The following AJAP1 variants were observed in gnomAD, a reference collection of about 807,000 sequenced individuals.
AJAP1 encodes adherens junctions associated protein 1.
In AJAP1, 5 loss-of-function variants were observed where a neutral mutation model predicts 35.0. The ratio of observed to expected loss-of-function variants is 0.14; its 90% CI spans 0.07 to 0.30. The LOEUF is 0.30. AJAP1 is among the 10% of genes least tolerant of loss of function. The pLI is 1.00. For missense variants in AJAP1, 586 were observed against 571.0 expected (o/e 1.03, Z -0.27); for synonymous variants, 284 against 249.3 (o/e 1.14, Z -1.31).
chr1:4,687,805 A>G (rs551527178), intron 1 of AJAP1, among the ~76,000 whole-genome samples: 70 of 152,314 alleles, frequency 4.6e-4, no homozygotes, highest in Non-Finnish European at 9.0e-4. Flanking sequence ...CCATTCATCC[A>G]TCCATCCATT....
chr1:4,778,134 A>C (rs1211931904), intron 5 of AJAP1, among the ~76,000 whole-genome samples: 1 of 152,230 alleles, frequency 6.6e-6, no homozygotes, highest in African/African-American at 2.4e-5. Flanking sequence ...CAGTGGGGCC[A>C]GGCCAGCCGA....
intron 1 of AJAP1, among the ~76,000 whole-genome samples, chr1:4,664,226 G>C (rs1392893852): frequency 1.3e-5 from 2 of 152,158 alleles, no homozygotes; most frequent in African/African-American, 4.8e-5. Flanking sequence ...GTTACATCCT[G>C]TTCTTCCTAG....
chr1:4,716,968 G>T (rs894681594), intron 2 of AJAP1, among the ~76,000 whole-genome samples: 1 of 152,202 alleles, frequency 6.6e-6, no homozygotes, highest in African/African-American at 2.4e-5. Flanking sequence ...GGTTCACAGA[G>T]GCATTGAGCT....
At chr1:4,698,693 G>C (rs1252049980) in intron 1 of AJAP1, among the ~76,000 whole-genome samples, 2 of 152,296 alleles carry the variant, frequency 1.3e-5, no homozygotes, top group East Asian at 1.9e-4. Flanking sequence ...AGGAAACTCT[G>C]AGCTGCTCTA....
rs1642256658 is a variant in AJAP1, at chr1:4,792,106, T to C, written c.*9621T>C. On this transcript the variant is annotated 3_prime_UTR_variant, in exon 6 of 6. Coordinates refer to ENST00000378191, the MANE Select transcript of AJAP1 (RefSeq NM_018836.4). ...TTTTCTGATACAATAAACTGTTAAC[T>C]GTTTATTTATACTTTTACAAGGAGC... is the stretch of plus-strand genomic sequence containing the variant. 1 of 152,204 alleles carries C rather than the reference T, an allele frequency of 6.6e-6. No homozygotes were observed. Among genetic ancestry groups the C allele is most frequent in the African/African-American group, 2.4e-5 (1 of 41,454 alleles). The allele number at this position is 152,204 out of a possible 1,614,324, so 9.4% of individuals were successfully genotyped here. A position where few individuals can be genotyped will look rare whatever the true frequency, so the allele number is the denominator to read the frequency against.
At position 4,697,343 on chromosome 1, in the gene AJAP1, G is replaced by T. The variant is rs147685380; in HGVS notation, c.30-14557G>T. 5.1e-3 allele frequency among the ~76,000 whole-genome samples: 774 copies of T among 152,370 alleles called. 2 individuals are homozygous for T. Among genetic ancestry groups the T allele is most frequent in the Non-Finnish European group, 8.6e-3 (587 of 68,038 alleles). On this transcript the variant is annotated intron_variant, in intron 1 of 5. Coordinates refer to ENST00000378191, the MANE Select transcript of AJAP1 (RefSeq NM_018836.4). ...CAATGGGAGTGGAGGAGAAATCAAA[G>T]GAAGCCATTTGTGGCTTCGCACAAG...
At chr1:4,671,242 G>A (rs913175905) in intron 1 of AJAP1, among the ~76,000 whole-genome samples, 5 of 152,070 alleles carry the variant, frequency 3.3e-5, no homozygotes, top group African/African-American at 7.2e-5. Context: ...GGTGGCAGGC[G>A]CCTGCAATCC....
At position 4,734,414 on chromosome 1, in the gene AJAP1, C is replaced by G. The variant is rs917538028; in HGVS notation, c.829+21715C>G. On this transcript the variant is annotated intron_variant, in intron 2 of 5. Coordinates refer to ENST00000378191, the MANE Select transcript of AJAP1 (RefSeq NM_018836.4). This position sits in a 1 kb window ranked among gnomAD's most constrained non-coding sequence, Gnocchi z 4.3. ...CTTAAATCAGCAGAGGCAGAGGCCC[C>G]GAGAGGTTAAGTGACTTGCCTGAGG... Among the ~76,000 whole-genome samples, 1 of 152,156 alleles carries G rather than the reference C, an allele frequency of 6.6e-6. No individual in the cohort carries two copies. The highest frequency in any genetic ancestry group is 2.4e-5 in the African/African-American group (1 of 41,436).
intron 5 of AJAP1, among the ~76,000 whole-genome samples, chr1:4,780,830 G>A (rs1335987416): frequency 6.6e-6 from 1 of 152,040 alleles, no homozygotes; most frequent in Non-Finnish European, 1.5e-5. Context: ...GTTTCACCAT[G>A]TTGGCCAGGA....
intron 5 of AJAP1, among the ~76,000 whole-genome samples, chr1:4,781,936 G>A (rs534877366): frequency 1.3e-5 from 2 of 152,206 alleles, no homozygotes; most frequent in Non-Finnish European, 2.9e-5. Flanking sequence ...CACCTGACCT[G>A]TGCCCAGGTG....
chr1:4,743,069 G>A (rs1163524243), intron 2 of AJAP1, among the ~76,000 whole-genome samples: 3 of 152,198 alleles, frequency 2.0e-5, no homozygotes, highest in Non-Finnish European at 4.4e-5. Flanking sequence ...CCTGGGGAAT[G>A]ACTTGGGGAT....
intron 1 of AJAP1, among the ~76,000 whole-genome samples, chr1:4,661,601 TACTC>T (rs1639000611): frequency 1.3e-5 from 2 of 152,230 alleles, no homozygotes; most frequent in African/African-American, 2.4e-5. Context: ...ATCTACTTCT[TACTC>T]ACTTTATTAA....
At chr1:4,770,719 C>T (rs1564664) in intron 3 of AJAP1, among the ~76,000 whole-genome samples, 77,507 of 151,978 alleles carry the variant, frequency 0.51, 20,006 homozygotes, top group Admixed American at 0.55. Flanking sequence ...TGGTGGAAAC[C>T]GCATCAGAGC....
rs1316316134 is a variant in AJAP1 at position 4,692,980 on chromosome 1, A to C, written c.30-18920A>C. On this transcript the variant is annotated intron_variant, in intron 1 of 5. Transcript: ENST00000378191. The surrounding 1 kb of genome is among the most constrained non-coding windows in gnomAD (Gnocchi z 4.4). ...TAGGTGGCTATCAAATAATTGTATAAAAATAAGCAGTTAATATTTCTATTA... is the reference window on the plus strand; with the variant it reads ...TAGGTGGCTATCAAATAATTGTATACAAATAAGCAGTTAATATTTCTATTA... Among the ~76,000 whole-genome samples, 1 of 152,204 alleles carries C rather than the reference A, an allele frequency of 6.6e-6. No individual in the cohort carries two copies. Among genetic ancestry groups the C allele is most frequent in the Non-Finnish European group, 1.5e-5 (1 of 68,034 alleles).
chr1:4,737,506 C>G (rs36028110), intron 2 of AJAP1, among the ~76,000 whole-genome samples: 1 of 151,948 alleles, frequency 6.6e-6, no homozygotes, highest in African/African-American at 2.4e-5. Flanking sequence ...GGAAGCCCCC[C>G]GAGATCTGCG....
chr1:4,736,833 T>C (rs912611002), intron 2 of AJAP1, among the ~76,000 whole-genome samples: 1 of 152,158 alleles, frequency 6.6e-6, no homozygotes, highest in African/African-American at 2.4e-5. Flanking sequence ...AGTGCACAGC[T>C]TGGGTGGGCT....
At chr1:4,768,891 CCAGAGG>C in intron 2 of AJAP1, among the ~76,000 whole-genome samples, 1 of 152,288 alleles carries the variant, frequency 6.6e-6, no homozygotes, top group East Asian at 1.9e-4. Flanking sequence ...GTGGTAGGGA[CCAGAGG>C]CAGGAGCTGT....
In AJAP1 at chr1:4,686,328, G is replaced by A. The variant is rs374070121; in HGVS notation, c.30-25572G>A. ...GTCCAAAATCAAGGTGGGATGAGCT[G>A]GGTTCAAGGTTCAAGTTCCTACCCT... On this transcript the variant is annotated intron_variant, in intron 1 of 5. Coordinates refer to ENST00000378191, the MANE Select transcript of AJAP1 (RefSeq NM_018836.4). Among the ~76,000 whole-genome samples the A allele has an allele frequency of 3.9e-5, 6 of 152,140 alleles. No homozygotes were observed. The East Asian group carries it at 1.2e-3, about 29-fold the overall frequency.
At chr1:4,773,813 A>ACTTTTCC (rs1432808711) in intron 4 of AJAP1, among the ~76,000 whole-genome samples, 1 of 152,100 alleles carries the variant, frequency 6.6e-6, no homozygotes, top group African/African-American at 2.4e-5. Flanking sequence ...CTGTTGCTTC[A>ACTTTTCC]CTTTTCCCAC....
Sources: gnomAD v4.1 joint callset for allele counts (sites outside exome capture counted in the v4.1 genomes callset) on GRCh38, gnomAD v4.1.1 for gene constraint, Gnocchi (gnomAD v3.1) non-coding constraint, MANE v1.5 for transcripts, NCBI Gene and HGNC (gene_info 2026-07-23, HGNC 2026-07-21) for gene names.